The following DYNC2H1 variants were observed in gnomAD, a reference collection of about 807,000 sequenced individuals.
DYNC2H1 encodes the protein cytoplasmic dynein 2 heavy chain 1.
A neutral mutation model predicts 570.0 loss-of-function variants in DYNC2H1; 410 were observed. The ratio of observed to expected loss-of-function variants is 0.72; its 90% CI spans 0.66 to 0.78. The LOEUF (loss-of-function observed/expected upper bound fraction) is 0.78. Among genes scored for constraint, DYNC2H1 ranks in the 30% least tolerant of loss-of-function variants. DYNC2H1 has a pLI of 0.00. For missense variants in DYNC2H1, 4,865 were observed against 5,046.4 expected (o/e 0.96, Z 1.09); for synonymous variants, 1,688 against 1,677.6 (o/e 1.01, Z -0.15).
chr11:103,414,359 G>A (rs890290438), intron 84 of DYNC2H1, among the ~76,000 whole-genome samples: 4 of 152,022 alleles, frequency 2.6e-5, no homozygotes, highest in Admixed American at 6.6e-5. Context: ...AGTGGCTCAC[G>A]CCTGTAATCC....
chr11:103,414,654 T>TC (rs1943213111), intron 84 of DYNC2H1, among the ~76,000 whole-genome samples: 1 of 152,094 alleles, frequency 6.6e-6, no homozygotes, highest in Non-Finnish European at 1.5e-5. Context: ...GCCCAGAAAC[T>TC]CCTTAAGCTA....
At position 103,129,701 on chromosome 11, in the gene DYNC2H1, A is replaced by AAAAAAAAGG. The variant is rs1565323763; in HGVS notation, c.1953+698_1953+699insAAAAAGGAA. On this transcript the variant is annotated intron_variant, in intron 13 of 88. Transcript: ENST00000375735. The surrounding 1 kb of genome is among the most constrained non-coding windows in gnomAD (Gnocchi z 4.1). ...CATCTCAAAAAAAAAGAAAAAAAAG[A>AAAAAAAAGG]AAGAAAAAGAAATTAGGAAAACCCA... is the stretch of plus-strand genomic sequence containing the variant. Among the ~76,000 whole-genome samples, 1 of 152,116 alleles carries AAAAAAAAGG rather than the reference A, an allele frequency of 6.6e-6. No homozygotes were observed.
At chr11:103,463,601 A>G (rs996505116) in intron 87 of DYNC2H1, among the ~76,000 whole-genome samples, 2 of 152,106 alleles carry the variant, frequency 1.3e-5, no homozygotes, top group African/African-American at 2.4e-5. Flanking sequence ...AATACAAAAA[A>G]TTAGCCAGGC....
chr11:103,132,312 T>C (rs1859320713), intron 13 of DYNC2H1, among the ~76,000 whole-genome samples: 2 of 152,168 alleles, frequency 1.3e-5, no homozygotes, highest in South Asian at 4.1e-4. Flanking sequence ...TGTTACTGTA[T>C]TTTTCAGTTC....
Position 103,241,248 on chromosome 11 carries a change from A to G in DYNC2H1, c.9820-2445A>G, listed in dbSNP as rs1402274175. ...TCTGTACTCCTTGTACTATCTTACT[A>G]TAGTTGTTATCCAACATATAGTAGA... On this transcript the variant is annotated intron_variant, in intron 63 of 88. Transcript: ENST00000375735. The surrounding 1 kb of genome is among the most constrained non-coding windows in gnomAD (Gnocchi z 5.1). Among the ~76,000 whole-genome samples the G allele has an allele frequency of 1.3e-5, 2 of 152,170 alleles. No individual in the cohort carries two copies. Among genetic ancestry groups the G allele is most frequent in the African/African-American group, 4.8e-5 (2 of 41,448 alleles).
At chr11:103,193,669 G>A (rs1033515468) in intron 47 of DYNC2H1, among the ~76,000 whole-genome samples, 2 of 151,374 alleles carry the variant, frequency 1.3e-5, no homozygotes, top group African/African-American at 4.9e-5. Flanking sequence ...TCAGCCTCCC[G>A]AGTAGCTGGT....
intron 87 of DYNC2H1, among the ~76,000 whole-genome samples, chr11:103,467,592 T>C (rs1425597302): frequency 2.6e-5 from 4 of 152,076 alleles, no homozygotes; most frequent in Non-Finnish European, 4.4e-5. Context: ...GGCTGGAGTG[T>C]GGTGGCGCGA....
chr11:103,463,602 T>G (rs1246743679), intron 87 of DYNC2H1, among the ~76,000 whole-genome samples: 1 of 151,968 alleles, frequency 6.6e-6, no homozygotes, highest in African/African-American at 2.4e-5. Context: ...ATACAAAAAA[T>G]TAGCCAGGCC....
At chr11:103,198,805 C>A (rs1862603927) in intron 48 of DYNC2H1, among the ~76,000 whole-genome samples, 1 of 152,074 alleles carries the variant, frequency 6.6e-6, no homozygotes, top group Non-Finnish European at 1.5e-5. Flanking sequence ...GATTCATTCC[C>A]AAGCAATGCG....
chr11:103,119,748 C>T (rs923318090), intron 6 of DYNC2H1, among the ~76,000 whole-genome samples: 12 of 151,976 alleles, frequency 7.9e-5, no homozygotes, highest in African/African-American at 2.7e-4. Flanking sequence ...TTTCAAGGAG[C>T]CTCATTCTTT....
chr11:103,232,948 C>T (rs377613132), intron 60 of DYNC2H1, among the ~76,000 whole-genome samples: 1 of 151,764 alleles, frequency 6.6e-6, no homozygotes, highest in Non-Finnish European at 1.5e-5. Flanking sequence ...TGAGCACTTG[C>T]AATGTTTGTA....
At chr11:103,118,421 T>C (rs1176167109) in intron 6 of DYNC2H1, among the ~76,000 whole-genome samples, 1 of 152,068 alleles carries the variant, frequency 6.6e-6, no homozygotes, top group Non-Finnish European at 1.5e-5. Flanking sequence ...AGTAAAATAG[T>C]ATAATGAATG....
chr11:103,347,408 G>T (rs1939795411), intron 82 of DYNC2H1, among the ~76,000 whole-genome samples: 1 of 150,502 alleles, frequency 6.6e-6, no homozygotes, highest in Non-Finnish European at 1.5e-5. Context: ...AGAAGTAATG[G>T]CATTATAGTA....
intron 65 of DYNC2H1, among the ~76,000 whole-genome samples, chr11:103,251,207 G>A (rs536899648): frequency 1.3e-5 from 2 of 152,096 alleles, no homozygotes; most frequent in African/African-American, 4.8e-5. Flanking sequence ...TATGTTATTA[G>A]ATGCATACAT....
intron 52 of DYNC2H1, among the ~76,000 whole-genome samples, chr11:103,207,661 A>G (rs766060495): frequency 5.9e-5 from 9 of 152,106 alleles, no homozygotes; most frequent in Non-Finnish European, 1.2e-4. Context: ...GAGGGAAAGG[A>G]TTAGGAGAAT....
chr11:103,391,418 T>C (rs1046932414), intron 83 of DYNC2H1, among the ~76,000 whole-genome samples: 3 of 152,316 alleles, frequency 2.0e-5, no homozygotes, highest in Non-Finnish European at 2.9e-5. Context: ...TTCAAGGTTT[T>C]TAGCTTCTTT....
chr11:103,449,383 A>G (rs1352953488), intron 85 of DYNC2H1, among the ~76,000 whole-genome samples: 1 of 152,200 alleles, frequency 6.6e-6, no homozygotes, highest in East Asian at 1.9e-4. Flanking sequence ...GAAGGCCAAC[A>G]GTTAGGATTT....
In DYNC2H1 at chr11:103,109,631, T is replaced by G; in HGVS notation, c.57T>G (p.Asn19Lys). The G allele has an allele frequency of 6.2e-7, 1 of 1,613,946 alleles. No individual in the cohort carries two copies. Among genetic ancestry groups the G allele is most frequent in the Non-Finnish European group, 8.5e-7 (1 of 1,179,876 alleles). Residue 19 changes from asparagine to lysine, a missense_variant, in exon 1 of 89, where the codon AAT (asparagine) becomes AAG (lysine). Asn to Lys is a moderately conservative substitution (Grantham distance 94, BLOSUM62 0). Coordinates refer to ENST00000375735, the MANE Select transcript of DYNC2H1 (RefSeq NM_001377.3). ...TCTTCATCTTCACTACTACCCAGAA[T>G]TACTTCGGGTTGATGTCTGAACTCT... is the stretch of plus-strand genomic sequence containing the variant. ...RKLFIFTTTQ[N>K]YFGLMSELWD...
Position 103,446,902 on chromosome 11 carries a change from A to G in DYNC2H1, c.12457-8284A>G, listed in dbSNP as rs953291525. The stretch of plus-strand genomic sequence containing the variant: ...TATTAATAATTAAGAGGAGACCTAT[A>G]AGTAGGTGGACATTATAAATTCCTG... On this transcript the variant is annotated intron_variant, in intron 85 of 88. Transcript: ENST00000375735. This position sits in a 1 kb window ranked among gnomAD's most constrained non-coding sequence, Gnocchi z 4.5. Among the ~76,000 whole-genome samples the G allele has an allele frequency of 3.9e-5, 6 of 152,134 alleles. No individual in the cohort carries two copies. Among genetic ancestry groups the G allele is most frequent in the African/African-American group, 1.4e-4 (6 of 41,450 alleles).
Sources: allele counts gnomAD v4.1 joint callset (sites outside exome capture counted in the v4.1 genomes callset), GRCh38; gene constraint gnomAD v4.1.1; non-coding constraint Gnocchi (gnomAD v3.1); transcripts MANE v1.5; gene names NCBI Gene and HGNC (gene_info 2026-07-23, HGNC 2026-07-21).